The following PCDHGA2 variants were observed in gnomAD, a reference collection of about 807,000 sequenced individuals.
PCDHGA2 encodes protocadherin gamma-A2.
PCDHGA2 carries 40 observed loss-of-function variants against 59.2 expected under a neutral mutation model. The observed-to-expected ratio is 0.68, with a 90% confidence interval of 0.52 to 0.88. PCDHGA2 has a LOEUF of 0.88. PCDHGA2 is among the 40% of genes least tolerant of loss of function. PCDHGA2 has a pLI of 0.00. For synonymous variants in PCDHGA2, 560 were observed against 526.0 expected, an observed-to-expected ratio of 1.06 and a Z score of -0.89; for missense variants, 1,226 against 1,204.0, an observed-to-expected ratio of 1.02 and a Z score of -0.27.
chr5:141,396,274 C>G (rs2093362401), intron 1 of PCDHGA2: 2 of 152,252 alleles, frequency 1.3e-5, no homozygotes, highest in African/African-American at 2.4e-5. Flanking sequence ...GAGCTATGAT[C>G]ATGCCACTGC....
chr5:141,384,703 G>T, intron 1 of PCDHGA2: 2 of 1,614,100 alleles, frequency 1.2e-6, no homozygotes, highest in Non-Finnish European at 8.5e-7. Context: ...AGGCCAGAAC[G>T]CCTGGCTGTC....
At position 141,374,633 on chromosome 5, in the gene PCDHGA2, A is replaced by C. The variant is rs1259564749; in HGVS notation, c.2424+33238A>C. 1.2e-6 allele frequency: 2 copies of C among 1,613,130 alleles called. No individual in the cohort carries two copies. Among genetic ancestry groups the C allele is most frequent in the Non-Finnish European group, 1.7e-6 (2 of 1,179,508 alleles). On this transcript the variant is annotated intron_variant, in intron 1 of 3. Transcript: ENST00000394576. Reference sequence around the variant, plus strand: ...TAGTCACTTCTCAGTGGACGTGCAAAGCGAAGCCCATGGGCCCAAGTACCC... The same window carrying C: ...TAGTCACTTCTCAGTGGACGTGCAACGCGAAGCCCATGGGCCCAAGTACCC...
chr5:141,494,185 GAC>G (rs2099752607), intron 1 of PCDHGA2, among the ~76,000 whole-genome samples: 1 of 152,154 alleles, frequency 6.6e-6, no homozygotes, highest in Non-Finnish European at 1.5e-5. Context: ...AGTGTCCCGG[GAC>G]TTGGATGCCC....
At chr5:141,428,022 G>A (rs1439933482) in intron 1 of PCDHGA2, 11 of 1,605,558 alleles carry the variant, frequency 6.9e-6, no homozygotes, top group South Asian at 1.1e-5. Context: ...GCCACGCGCC[G>A]CAGAGTCCGG....
At position 141,431,998 on chromosome 5, in the gene PCDHGA2, A is replaced by G. The variant is rs201105272; in HGVS notation, c.2425-62809A>G. The G allele has an allele frequency of 1.2e-6, 2 of 1,614,176 alleles. No homozygotes were observed. Among genetic ancestry groups the G allele is most frequent in the Admixed American group, 1.7e-5 (1 of 60,030 alleles). On this transcript the variant is annotated intron_variant, in intron 1 of 3. Coordinates refer to ENST00000394576, the MANE Select transcript of PCDHGA2 (RefSeq NM_018915.4). This position sits in a 1 kb window ranked among gnomAD's most constrained non-coding sequence, Gnocchi z 4.8. The stretch of plus-strand genomic sequence containing the variant: ...TCACAGACATAGTCTTGGATAGGGA[A>G]CAGGTTCCTAGCTACAACATCACAG...
Position 141,395,219 on chromosome 5 carries a change from T to G in PCDHGA2, c.2424+53824T>G, listed in dbSNP as rs1303078300. On this transcript the variant is annotated intron_variant, in intron 1 of 3. Coordinates refer to ENST00000394576, the MANE Select transcript of PCDHGA2 (RefSeq NM_018915.4). Reference sequence around the variant, plus strand: ...CCGTAGATTTTCATGAATATAAGAATGAAGCTGATCATGGTCAGGTGAGTT... The same window carrying G: ...CCGTAGATTTTCATGAATATAAGAAGGAAGCTGATCATGGTCAGGTGAGTT... 3.7e-6 allele frequency: 6 copies of G among 1,611,924 alleles called. No individual in the cohort carries two copies. In the African/African-American group the frequency reaches 4.0e-5, roughly 11 times the overall value.
At chr5:141,473,375 T>C (rs1433212994) in intron 1 of PCDHGA2, among the ~76,000 whole-genome samples, 1 of 152,192 alleles carries the variant, frequency 6.6e-6, no homozygotes, top group African/African-American at 2.4e-5. Flanking sequence ...AATAGCATGG[T>C]CCCTGCCCTC....
intron 1 of PCDHGA2, chr5:141,395,501 A>T: frequency 2.1e-6 from 1 of 467,130 alleles, no homozygotes; most frequent in African/African-American, 2.0e-5. Context: ...TCATTCACTT[A>T]AGAAGTAGCT....
At chr5:141,399,822 C>G (rs755182775) in intron 1 of PCDHGA2, 6 of 1,613,084 alleles carry the variant, frequency 3.7e-6, no homozygotes, top group East Asian at 2.2e-5. Context: ...CGCTGGGTCC[C>G]GACGGCTCTG....
chr5:141,400,245 C>G (rs778709619), intron 1 of PCDHGA2: 32 of 1,613,998 alleles, frequency 2.0e-5, no homozygotes, highest in Non-Finnish European at 2.5e-5. Flanking sequence ...TGATTCTGGC[C>G]GTTGCCTTGC....
At chr5:141,350,953 T>A in intron 1 of PCDHGA2, 5 of 1,614,052 alleles carry the variant, frequency 3.1e-6, no homozygotes, top group Non-Finnish European at 4.2e-6. Context: ...GAGTTACGGA[T>A]GCCAATGATA....
chr5:141,400,232 C>T (rs2093984634), intron 1 of PCDHGA2: 1 of 1,614,032 alleles, frequency 6.2e-7, no homozygotes. Context: ...TTCCTCCTGG[C>T]CGTGATTCTG....
chr5:141,427,710 G>T, intron 1 of PCDHGA2: 2 of 1,033,628 alleles, frequency 1.9e-6, no homozygotes, highest in South Asian at 2.6e-5. Context: ...CAGCGCCTCT[G>T]ACCTGGACCT....
chr5:141,511,733 T>C lies in PCDHGA2; in HGVS notation c.*560T>C, dbSNP rs1032711521. 9 of 177,040 alleles carry C rather than the reference T, an allele frequency of 5.1e-5. No individual in the cohort carries two copies. The highest frequency in any genetic ancestry group is 8.7e-5 in the Non-Finnish European group (7 of 80,868). The allele number at this position is 177,040 out of a possible 1,614,324, so 11.0% of individuals were successfully genotyped here. ...TCCTTCCAGAGCCCAAGATCAATGC[T>C]CAAGTTTTGGAGGACATGATCACCA... On this transcript the variant is annotated 3_prime_UTR_variant, in exon 4 of 4. Transcript: ENST00000394576.
In PCDHGA2 at chr5:141,375,335, T is replaced by A. The variant is rs781205937; in HGVS notation, c.2424+33940T>A. On this transcript the variant is annotated intron_variant, in intron 1 of 3. Transcript: ENST00000394576. ...TCTAGACCGGGAAGAGGTATTCTTG[T>A]ACAACATCACTGTGACAGCCACGGA... is the stretch of plus-strand genomic sequence containing the variant. 1.7e-5 allele frequency: 27 copies of A among 1,613,694 alleles called. No homozygotes were observed. The Admixed American group carries it at 3.8e-4, about 23-fold the overall frequency.
rs1386460009 is a variant in PCDHGA2 at position 141,390,018 on chromosome 5, C to T, written c.2424+48623C>T. On this transcript the variant is annotated intron_variant, in intron 1 of 3. Transcript: ENST00000394576. ...GGCCATGATTCTGGCCATTGCCTTG[C>T]GCCTGCGACGCTCCTCCAGCCCCGC... is the stretch of plus-strand genomic sequence containing the variant. The T allele has an allele frequency of 6.2e-7, 1 of 1,614,062 alleles. No individual in the cohort carries two copies. Among genetic ancestry groups the T allele is most frequent in the South Asian group, 1.1e-5 (1 of 91,078 alleles).
chr5:141,422,349 T>C (rs768693451), intron 1 of PCDHGA2: 95 of 1,554,604 alleles, frequency 6.1e-5, no homozygotes, highest in Non-Finnish European at 8.2e-5. Flanking sequence ...ATGTGCAAGA[T>C]CAAGATTCTG....
intron 1 of PCDHGA2, chr5:141,429,276 T>C (rs748800169): frequency 6.6e-5 from 10 of 152,228 alleles, no homozygotes; most frequent in Non-Finnish European, 1.2e-4. Flanking sequence ...TTTTTTCCTG[T>C]GATGTTTCTT....
Position 141,431,690 on chromosome 5 carries a change from G to A in PCDHGA2, c.2425-63117G>A. 1.2e-6 allele frequency: 2 copies of A among 1,614,234 alleles called. No individual in the cohort carries two copies. Among genetic ancestry groups the A allele is most frequent in the Non-Finnish European group, 8.5e-7 (1 of 1,180,040 alleles). On this transcript the variant is annotated intron_variant, in intron 1 of 3. Coordinates refer to ENST00000394576, the MANE Select transcript of PCDHGA2 (RefSeq NM_018915.4). The surrounding 1 kb of genome is among the most constrained non-coding windows in gnomAD (Gnocchi z 4.8). ...AACAATAGGGGAGTTGGACCACGAG[G>A]AGTCAGGATTCTACCAGATGGAAGT... is the stretch of plus-strand genomic sequence containing the variant.
Sources: allele counts gnomAD v4.1 joint callset (sites outside exome capture counted in the v4.1 genomes callset), GRCh38; gene constraint gnomAD v4.1.1; non-coding constraint Gnocchi (gnomAD v3.1); transcripts MANE v1.5; gene names NCBI Gene and HGNC (gene_info 2026-07-23, HGNC 2026-07-21).